Variants in MAP7D2 observed in about 807,000 individuals in gnomAD.
The protein encoded by MAP7D2 is MAP7 domain containing 2.
A neutral mutation model predicts 63.5 loss-of-function variants in MAP7D2; 33 were observed. That is an observed-to-expected ratio of 0.52 (90% CI 0.39 to 0.70). The LOEUF (loss-of-function observed/expected upper bound fraction) is 0.70, where lower values mean the gene tolerates loss of function less well. Among genes scored for constraint, MAP7D2 ranks in the 30% least tolerant of loss-of-function variants. The pLI is 0.00. For missense variants in MAP7D2, 626 were observed against 604.0 expected (o/e 1.04, Z -0.38); for synonymous variants, 224 against 223.7 (o/e 1.00, Z -0.01).
chrX:20,059,589 T>TGGAAGGAAGGAAGGAAGGAA (rs778547441), intron 3 of MAP7D2, among the ~76,000 whole-genome samples: 2,195 of 74,090 alleles, frequency 0.03, 60 homozygotes, highest in Non-Finnish European at 0.04. Context: ...AGTGGAAGGG[T>TGGAAGGAAGGAAGGAAGGAA]GGAAGGAAGG....
intron 8 of MAP7D2, among the ~76,000 whole-genome samples, chrX:20,041,341 TA>T (rs894802205): frequency 2.1e-4 from 23 of 111,578 alleles, no homozygotes; most frequent in African/African-American, 7.5e-4. Flanking sequence ...TGCAATGAAC[TA>T]AAAATAAAGA....
chrX:20,079,132 C>T (rs1476575919), intron 1 of MAP7D2, among the ~76,000 whole-genome samples: 1 of 111,038 alleles, frequency 9.0e-6, no homozygotes. Context: ...AAGAATAACC[C>T]GGCAACTCCC....
At chrX:20,036,761 G>A (rs376240268) in intron 8 of MAP7D2, among the ~76,000 whole-genome samples, 37 of 103,678 alleles carry the variant, frequency 3.6e-4, no homozygotes, top group South Asian at 2.4e-3. Context: ...AAAATTAGCC[G>A]GGCGTGGTGG....
chrX:20,115,520 T>C (rs887732350), intron 1 of MAP7D2, among the ~76,000 whole-genome samples: 1 of 111,664 alleles, frequency 9.0e-6, no homozygotes, highest in Non-Finnish European at 1.9e-5. Flanking sequence ...GCAAAAAGGA[T>C]AAAAACAAAA....
chrX:20,046,072 T>C (rs1224240019), intron 6 of MAP7D2, among the ~76,000 whole-genome samples: 1 of 112,355 alleles, frequency 8.9e-6, no homozygotes, highest in African/African-American at 3.2e-5. Context: ...GTCTCTGTAG[T>C]AGATTTTTCT....
At chrX:20,114,142 T>G (rs1339173126) in intron 1 of MAP7D2, among the ~76,000 whole-genome samples, 1 of 112,203 alleles carries the variant, frequency 8.9e-6, no homozygotes, top group African/African-American at 3.2e-5. Flanking sequence ...CAAGCGATCC[T>G]ATGCCTCAGC....
intron 8 of MAP7D2, among the ~76,000 whole-genome samples, chrX:20,034,865 C>T (rs989924159): frequency 1.8e-5 from 2 of 111,665 alleles, no homozygotes; most frequent in Non-Finnish European, 3.8e-5. Flanking sequence ...TTCCCAACCT[C>T]ATAGCAGTCT....
At chrX:20,050,589 G>A (rs970283914) in intron 6 of MAP7D2, among the ~76,000 whole-genome samples, 2 of 111,561 alleles carry the variant, frequency 1.8e-5, no homozygotes, top group Admixed American at 9.5e-5. Context: ...TCATCAAGTG[G>A]GGTTTTCTTC....
chrX:20,065,732 C>T (rs1325688318), intron 1 of MAP7D2, among the ~76,000 whole-genome samples: 1 of 111,634 alleles, frequency 9.0e-6, no homozygotes, highest in Non-Finnish European at 1.9e-5. Context: ...ACAACTTCCC[C>T]GAAAATGTCT....
intron 1 of MAP7D2, among the ~76,000 whole-genome samples, chrX:20,083,336 C>G (rs1157171593): frequency 8.9e-6 from 1 of 112,142 alleles, no homozygotes; most frequent in African/African-American, 3.2e-5. Context: ...GGCCATTCCA[C>G]AGAAAAGGCC....
chrX:20,052,426 C>T, intron 5 of MAP7D2: 1 of 292,607 alleles, frequency 3.4e-6, no homozygotes, highest in South Asian at 3.5e-5. Context: ...ATGGGCAGGC[C>T]TATAAACCAC....
chrX:20,025,877 G>A lies in MAP7D2; in HGVS notation c.1083C>T (p.Arg361=). 8.3e-7 allele frequency: 1 copy of A among 1,211,735 alleles called. No individual in the cohort carries two copies. Among genetic ancestry groups the A allele is most frequent in the Non-Finnish European group, 1.1e-6 (1 of 895,425 alleles). The change falls in exon 9 of 17, where the codon CGC becomes CGT. Residue 361 remains arginine (R), a synonymous_variant. Transcript: ENST00000379643. ...TGTCTTGGCCAGAAAGGGCAGGTAA[G>A]CGGTACTTCACAGGAGACCCTGGGT... The part of the protein sequence containing the change: ...PPYPGSPVKY[R]LPALSGQDMP...
At chrX:20,092,659 C>T (rs1278033005) in intron 1 of MAP7D2, among the ~76,000 whole-genome samples, 2 of 111,849 alleles carry the variant, frequency 1.8e-5, no homozygotes, top group Non-Finnish European at 3.8e-5. Context: ...CCTGTATAAA[C>T]GTGAATAAAA....
intron 3 of MAP7D2, among the ~76,000 whole-genome samples, chrX:20,060,432 G>GAAAGAA (rs2065185967): frequency 1.9e-3 from 132 of 69,215 alleles, no homozygotes; most frequent in African/African-American, 7.9e-3. Flanking sequence ...GAGAGAGAGA[G>GAAAGAA]AGAAAGAAAG....
intron 1 of MAP7D2, among the ~76,000 whole-genome samples, chrX:20,116,359 A>C: frequency 8.9e-6 from 1 of 112,305 alleles, no homozygotes; most frequent in East Asian, 2.8e-4. Flanking sequence ...ACGCAGAGAG[A>C]GCGCGCGCGG....
intron 1 of MAP7D2, among the ~76,000 whole-genome samples, chrX:20,066,047 C>T (rs970269140): frequency 1.8e-5 from 2 of 109,682 alleles, no homozygotes; most frequent in East Asian, 2.9e-4. Flanking sequence ...CTCAGCCTCC[C>T]GAGTAGCTGG....
At chrX:20,028,351 T>C (rs1311203569) in intron 8 of MAP7D2, among the ~76,000 whole-genome samples, 1 of 111,970 alleles carries the variant, frequency 8.9e-6, no homozygotes, top group African/African-American at 3.3e-5. Context: ...AGGCACTCAA[T>C]AGCTGTTAGG....
At chrX:20,065,832 A>T (rs2065344308) in intron 1 of MAP7D2, among the ~76,000 whole-genome samples, 1 of 112,012 alleles carries the variant, frequency 8.9e-6, no homozygotes, top group African/African-American at 3.2e-5. Flanking sequence ...GATCTTCATG[A>T]TCATTTTAGG....
At chrX:20,054,962 G>A (rs890453645) in intron 4 of MAP7D2, among the ~76,000 whole-genome samples, 2 of 112,099 alleles carry the variant, frequency 1.8e-5, no homozygotes, top group Non-Finnish European at 3.8e-5. Flanking sequence ...CTGTTACGAA[G>A]CACCCCCAGT....
Sources: gnomAD v4.1 joint callset for allele counts (sites outside exome capture counted in the v4.1 genomes callset) on GRCh38, gnomAD v4.1.1 for gene constraint, MANE v1.5 for transcripts, NCBI Gene and HGNC (gene_info 2026-07-23, HGNC 2026-07-21) for gene names.